ARID4B: variants seen among roughly 807,000 people sequenced by gnomAD.
The protein encoded by ARID4B is AT-rich interaction domain 4B, also known as AT-rich interactive domain-containing protein 4B.
ARID4B carries 26 observed loss-of-function variants against 147.5 expected under a neutral mutation model. The observed-to-expected ratio is 0.18, with a 90% CI of 0.13 to 0.24. The LOEUF (loss-of-function observed/expected upper bound fraction) is 0.24, where lower values mean the gene tolerates loss of function less well. Among genes scored for constraint, ARID4B ranks in the 10% least tolerant of loss-of-function variants. ARID4B has a pLI of 1.00. For synonymous variants in ARID4B, 512 were observed against 507.9 expected (o/e 1.01, Z -0.11); for missense variants, 1,179 against 1,511.5 (o/e 0.78, Z 3.65).
chr1:235,214,355 A>G (rs913520654), intron 16 of ARID4B, among the ~76,000 whole-genome samples: 1 of 152,160 alleles, frequency 6.6e-6, no homozygotes, highest in Admixed American at 6.5e-5. Flanking sequence ...TTTATTAATA[A>G]AAGTGTTTTA....
At chr1:235,194,300 A>G (rs1395759097) in intron 18 of ARID4B, 89 bp from the exon 19 acceptor site, 1 of 954,450 alleles carries the variant, frequency 1.0e-6, no homozygotes, top group Non-Finnish European at 1.6e-6. Context: ...ACTATTACAG[A>G]ATATGTTGTT....
chr1:235,289,630 G>A (rs1199354116), intron 2 of ARID4B, among the ~76,000 whole-genome samples: 3 of 151,512 alleles, frequency 2.0e-5, no homozygotes, highest in Non-Finnish European at 4.4e-5. Context: ...AGGTTGAGGT[G>A]GGAGGATCAC....
At chr1:235,174,839 C>T (rs943029154) in intron 22 of ARID4B, among the ~76,000 whole-genome samples, 4 of 151,830 alleles carry the variant, frequency 2.6e-5, no homozygotes, top group African/African-American at 9.7e-5. Context: ...GGCGCAGTGG[C>T]TCATGCCTGT....
chr1:235,314,144 GA>G (rs148919737), intron 2 of ARID4B, among the ~76,000 whole-genome samples: 1,906 of 152,064 alleles, frequency 0.013, 31 homozygotes, highest in African/African-American at 0.043. Flanking sequence ...AGTCTTCTTG[GA>G]AAGTTTAAGA....
chr1:235,246,429 G>C lies in ARID4B; in HGVS notation c.437C>G (p.Ser146Cys), dbSNP rs1331960368. ...IGKKTNRGRR[S>C]NHIPEEESSS... ...ATGAAAATGGACTTACATATGATTA[G>C]ATCTTCTTCCTCTATTTGTTTTCTT... Residue 146 changes from serine (S) to cysteine (C), a missense_variant, in exon 7 of 24, where the codon TCT becomes TGT. Physicochemically the swap from Ser to Cys is moderately radical, Grantham distance 112 (BLOSUM62 -1). This residue lies in a region of ARID4B where 159 missense variants were observed against 190.5 expected (regional missense o/e 0.83). Transcript: ENST00000264183. The C allele has an allele frequency of 6.2e-7, 1 of 1,606,064 alleles. No individual in the cohort carries two copies. The highest frequency in any genetic ancestry group is 1.3e-5 in the African/African-American group (1 of 74,746).
At position 235,255,677 on chromosome 1, in the gene ARID4B, G is replaced by T; in HGVS notation, c.257C>A (p.Ala86Glu). Residue 86 changes from alanine to glutamate, a missense_variant, in exon 5 of 24, where the codon GCG (alanine) becomes GAG (glutamate). Ala to Glu is a moderately radical substitution (Grantham distance 107, BLOSUM62 -1). This residue lies in a region of ARID4B where 56 missense variants were observed against 99.2 expected (regional missense o/e 0.56). Coordinates refer to ENST00000264183, the MANE Select transcript of ARID4B (RefSeq NM_016374.6). Reference protein sequence around the residue: ...QEAVINKLTDASWYTVVFDDG... With the variant: ...QEAVINKLTDESWYTVVFDDG... ...TTTCTTACCTACAGTGTACCAACTC[G>T]CATCTGTTAGTTTATTGATAACAGC... The T allele has an allele frequency of 6.2e-7, 1 of 1,607,102 alleles. No individual in the cohort carries two copies. The highest frequency in any genetic ancestry group is 8.5e-7 in the Non-Finnish European group (1 of 1,176,200).
At chr1:235,278,013 A>C (rs970846125) in intron 2 of ARID4B, among the ~76,000 whole-genome samples, 48 of 152,250 alleles carry the variant, frequency 3.2e-4, no homozygotes, top group African/African-American at 1.1e-3. Context: ...ATCCCACTGC[A>C]CAGCTATTTA....
At chr1:235,197,100 G>T (rs1665559832) in intron 17 of ARID4B, among the ~76,000 whole-genome samples, 1 of 151,570 alleles carries the variant, frequency 6.6e-6, no homozygotes, top group African/African-American at 2.4e-5. Flanking sequence ...ACTATTAACT[G>T]CAATAAAACT....
intron 2 of ARID4B, among the ~76,000 whole-genome samples, chr1:235,300,704 G>T (rs953829925): frequency 6.6e-6 from 1 of 151,670 alleles, no homozygotes; most frequent in African/African-American, 2.4e-5. Flanking sequence ...GGAACTACAA[G>T]AATACTTTTT....
At chr1:235,289,670 A>C (rs1457326838) in intron 2 of ARID4B, among the ~76,000 whole-genome samples, 1 of 151,452 alleles carries the variant, frequency 6.6e-6, no homozygotes, top group Non-Finnish European at 1.5e-5. Flanking sequence ...GGCTGCAGTA[A>C]GCCGTTATTG....
chr1:235,317,558 T>A (rs1446810548), intron 2 of ARID4B, among the ~76,000 whole-genome samples: 1 of 152,262 alleles, frequency 6.6e-6, no homozygotes, highest in African/African-American at 2.4e-5. Flanking sequence ...TTGTCTATGC[T>A]GACCTTAGTA....
intron 19 of ARID4B, 152 bp from the exon 20 acceptor site, chr1:235,182,945 T>G (rs1057064107): frequency 3.2e-6 from 2 of 618,892 alleles, no homozygotes; most frequent in Non-Finnish European, 5.2e-6. Context: ...AAACTGGGTT[T>G]CAAAGAGGCT....
chr1:235,196,043 C>G lies in ARID4B; in HGVS notation c.1914G>C (p.Arg638=). Residue 638 remains arginine (R), a synonymous_variant, in exon 18 of 24, where the codon CGG becomes CGC. Transcript: ENST00000264183. ...ADKNVPKIKH[R]KKIKNKLDKE... ...AACAAGCACTTACCTTTATTTTCTT[C>G]CGATGTTTTATCTTTGGCACATTTT... 1.3e-6 allele frequency: 2 copies of G among 1,597,994 alleles called. No individual in the cohort carries two copies. The highest frequency in any genetic ancestry group is 2.7e-5 in the African/African-American group (2 of 74,344).
intron 17 of ARID4B, among the ~76,000 whole-genome samples, chr1:235,202,053 T>TATATACATATATATACAAA (rs1558196138): frequency 1.3e-5 from 2 of 150,096 alleles, no homozygotes; most frequent in African/African-American, 4.9e-5. Context: ...ATATATACAA[T>TATATACATATATATACAAA]CCAGGATAGT....
At chr1:235,276,229 T>C (rs546251310) in intron 2 of ARID4B, among the ~76,000 whole-genome samples, 110 of 151,194 alleles carry the variant, frequency 7.3e-4, no homozygotes, top group South Asian at 1.5e-3. Context: ...TGAAAAGCTA[T>C]TTGAGGTCAT....
chr1:235,189,520 A>G (rs956920478), intron 19 of ARID4B, among the ~76,000 whole-genome samples: 5 of 152,136 alleles, frequency 3.3e-5, no homozygotes, highest in African/African-American at 4.8e-5. Context: ...AAAAAAATTA[A>G]TAAAAAGCAA....
intron 22 of ARID4B, among the ~76,000 whole-genome samples, chr1:235,173,771 A>AATATATATATAT (rs1169414831): frequency 2.2e-4 from 7 of 32,352 alleles, no homozygotes; most frequent in Non-Finnish European, 3.7e-4. Context: ...AAAAAAAAAA[A>AATATATATATAT]ATATATATAT....
chr1:235,253,374 T>C (rs1471712016), intron 5 of ARID4B, among the ~76,000 whole-genome samples: 1 of 152,144 alleles, frequency 6.6e-6, no homozygotes. Flanking sequence ...TAGATGTCAG[T>C]AGCACCCCCT....
intron 2 of ARID4B, among the ~76,000 whole-genome samples, chr1:235,261,322 C>G (rs1670279685): frequency 6.6e-6 from 1 of 152,074 alleles, no homozygotes; most frequent in East Asian, 1.9e-4. Context: ...GAGTTTGAGA[C>G]CACCCCAAGC....
Sources: gnomAD v4.1 joint callset for allele counts (sites outside exome capture counted in the v4.1 genomes callset) on GRCh38, gnomAD v4.1.1 for gene constraint, gnomAD v4.1.1 regional missense constraint, MANE v1.5 for transcripts, NCBI Gene and HGNC (gene_info 2026-07-23, HGNC 2026-07-21) for gene names.